C8orf34: variants seen among roughly 807,000 people sequenced by gnomAD.
The protein encoded by C8orf34 is chromosome 8 open reading frame 34, also known as uncharacterized protein C8orf34.
C8orf34 carries 65 observed loss-of-function variants against 68.3 expected under a neutral mutation model. That is an observed-to-expected ratio of 0.95 (90% CI 0.78 to 1.17). The LOEUF is 1.17. Among genes scored for constraint, C8orf34 ranks in the 50% most tolerant of loss-of-function variants. The pLI is 0.00. For missense variants in C8orf34, 664 were observed against 655.4 expected, an observed-to-expected ratio of 1.01 and a Z score of -0.14; for synonymous variants, 244 against 241.2, an observed-to-expected ratio of 1.01 and a Z score of -0.11.
At chr8:68,587,473 C>G (rs1436852782) in intron 7 of C8orf34, among the ~76,000 whole-genome samples, 2 of 152,034 alleles carry the variant, frequency 1.3e-5, no homozygotes, top group Non-Finnish European at 1.5e-5. Context: ...GGGATTGGCT[C>G]TGGCCCTTTT....
intron 1 of C8orf34, among the ~76,000 whole-genome samples, chr8:68,429,642 A>G (rs755740325): frequency 2.6e-5 from 4 of 152,244 alleles, no homozygotes; most frequent in Non-Finnish European, 5.9e-5. Context: ...AGAGTGGATG[A>G]ATAAATTGCG....
intron 10 of C8orf34, among the ~76,000 whole-genome samples, chr8:68,768,733 A>G (rs1299814613): frequency 2.0e-5 from 3 of 152,160 alleles, no homozygotes; most frequent in African/African-American, 7.2e-5. Flanking sequence ...GTCATATGAA[A>G]TCCACAATGT....
chr8:68,685,059 A>G (rs1305500719), intron 8 of C8orf34, among the ~76,000 whole-genome samples: 1 of 152,146 alleles, frequency 6.6e-6, no homozygotes, highest in East Asian at 1.9e-4. Context: ...AATTTGTACC[A>G]GATGTTTTAA....
chr8:68,750,792 A>G (rs1470285734), intron 10 of C8orf34, among the ~76,000 whole-genome samples: 2 of 152,108 alleles, frequency 1.3e-5, no homozygotes, highest in East Asian at 3.8e-4. Flanking sequence ...TTCAGTGTCT[A>G]CCATGTCCAT....
intron 1 of C8orf34, among the ~76,000 whole-genome samples, chr8:68,334,429 AATAT>A (rs1467836751): frequency 6.6e-6 from 1 of 151,092 alleles, no homozygotes; most frequent in Non-Finnish European, 1.5e-5. Context: ...AAATATTTGT[AATAT>A]ATATAAATAT....
At chr8:68,737,795 C>T (rs1004617052) in intron 10 of C8orf34, among the ~76,000 whole-genome samples, 1 of 151,972 alleles carries the variant, frequency 6.6e-6, no homozygotes, top group African/African-American at 2.4e-5. Context: ...ACCTTCAAAG[C>T]AACTTAGACT....
chr8:68,485,123 A>G (rs1307739674), intron 4 of C8orf34, among the ~76,000 whole-genome samples: 2 of 152,110 alleles, frequency 1.3e-5, no homozygotes, highest in Non-Finnish European at 2.9e-5. Flanking sequence ...AACTGCTAAA[A>G]TTTTCCAGCC....
chr8:68,392,983 T>C (rs919639067), intron 1 of C8orf34, among the ~76,000 whole-genome samples: 1 of 152,190 alleles, frequency 6.6e-6, no homozygotes, highest in Non-Finnish European at 1.5e-5. Context: ...TTTATTTCAT[T>C]TGTAAAACAG....
chr8:68,466,741 A>ATATATATATATGTG (rs1188087986), intron 3 of C8orf34, among the ~76,000 whole-genome samples: 5 of 44,096 alleles, frequency 1.1e-4, no homozygotes, highest in African/African-American at 2.8e-4. Context: ...CGTTGTACAT[A>ATATATATATATGTG]TATATATATA....
At chr8:68,785,849 C>G (rs759171528) in intron 11 of C8orf34, among the ~76,000 whole-genome samples, 8 of 152,180 alleles carry the variant, frequency 5.3e-5, no homozygotes, top group Non-Finnish European at 1.0e-4. Context: ...CACTCCACTT[C>G]CAAACTTCTG....
rs1245109167 is a variant in C8orf34, at chr8:68,409,867, T to C, written c.328-29632T>C. On this transcript the variant is annotated intron_variant, in intron 1 of 13. Transcript: ENST00000518698. ...TCATATTTTTACTGTACCTTTTTAA[T>C]GTTTAGATAGATTTAGATACACAAA... 4.6e-5 allele frequency among the ~76,000 whole-genome samples: 7 copies of C among 152,330 alleles called. No individual in the cohort carries two copies. In the East Asian group the frequency reaches 1.4e-3, roughly 29 times the overall value.
intron 1 of C8orf34, among the ~76,000 whole-genome samples, chr8:68,426,518 C>CAAAAAAAAAAAAAAAAAAAAAAAAAAAAA (rs753578060): frequency 3.4e-5 from 1 of 29,608 alleles, no homozygotes; most frequent in Non-Finnish European, 7.3e-5. Context: ...GACCTTGTCT[C>CAAAAAAAAAAAAAAAAAAAAAAAAAAAAA]AAAAAAAAAA....
intron 1 of C8orf34, among the ~76,000 whole-genome samples, chr8:68,332,303 T>G (rs1347335042): frequency 7.3e-6 from 1 of 137,752 alleles, no homozygotes; most frequent in East Asian, 2.2e-4. Flanking sequence ...CCCATCCAGT[T>G]CAGGGGGCAC....
At chr8:68,494,715 G>T (rs1362786838) in intron 5 of C8orf34, among the ~76,000 whole-genome samples, 3 of 151,828 alleles carry the variant, frequency 2.0e-5, no homozygotes, top group South Asian at 2.1e-4. Context: ...AATGAGTCGG[G>T]CATGGTGGCG....
chr8:68,599,493 T>C (rs1443331680), intron 7 of C8orf34, among the ~76,000 whole-genome samples: 1 of 151,700 alleles, frequency 6.6e-6, no homozygotes, highest in African/African-American at 2.4e-5. Flanking sequence ...TGTATTGAAC[T>C]AAGAACATAA....
rs189209183 is a variant in C8orf34 at position 68,561,505 on chromosome 8, C to T, written c.1105+28356C>T. Reference sequence around the variant, plus strand: ...GGCGCAGCAGCTCACGCTTGTAATCCCAGCACTTTGGGAGGCCAACATGGG... The same window carrying T: ...GGCGCAGCAGCTCACGCTTGTAATCTCAGCACTTTGGGAGGCCAACATGGG... On this transcript the variant is annotated intron_variant, in intron 7 of 13. Transcript: ENST00000518698. 4.6e-5 allele frequency among the ~76,000 whole-genome samples: 7 copies of T among 152,144 alleles called. No homozygotes were observed. In the East Asian group the frequency reaches 1.4e-3, roughly 29 times the overall value.
At chr8:68,736,815 C>T (rs555326160) in intron 10 of C8orf34, among the ~76,000 whole-genome samples, 4 of 152,046 alleles carry the variant, frequency 2.6e-5, no homozygotes, top group Admixed American at 1.3e-4. Flanking sequence ...ATACTTCAAA[C>T]GTCACATTAT....
intron 1 of C8orf34, among the ~76,000 whole-genome samples, chr8:68,418,075 T>C (rs1176548443): frequency 6.8e-6 from 1 of 147,530 alleles, no homozygotes; most frequent in Non-Finnish European, 1.5e-5. Context: ...GGGAGTTCAC[T>C]CATGATTTGG....
At chr8:68,418,702 A>G (rs1176746479) in intron 1 of C8orf34, among the ~76,000 whole-genome samples, 1 of 152,148 alleles carries the variant, frequency 6.6e-6, no homozygotes, top group Non-Finnish European at 1.5e-5. Flanking sequence ...CTGATCTTTG[A>G]CAAACCTGAG....
Sources: allele counts gnomAD v4.1 joint callset (sites outside exome capture counted in the v4.1 genomes callset), GRCh38; gene constraint gnomAD v4.1.1; transcripts MANE v1.5; gene names NCBI Gene and HGNC (gene_info 2026-07-23, HGNC 2026-07-21).